The following RPRD1A variants were observed in gnomAD, a reference collection of about 807,000 sequenced individuals.
The protein encoded by RPRD1A is regulation of nuclear pre-mRNA domain containing 1A.
In RPRD1A, 9 loss-of-function variants were observed where a neutral mutation model predicts 37.8. The ratio of observed to expected loss-of-function variants is 0.24; its 90% CI spans 0.14 to 0.42. The LOEUF is 0.42. RPRD1A is among the 10% of genes least tolerant of loss of function. The probability of loss-of-function intolerance (pLI) is 1.00; values close to 1 mark genes in which losing one functional copy is unlikely to be tolerated. For missense variants in RPRD1A, 255 were observed against 371.0 expected (o/e 0.69, Z 2.57); for synonymous variants, 138 against 139.7 (o/e 0.99, Z 0.08).
At chr18:36,003,634 G>A (rs1041631680) in intron 6 of RPRD1A, among the ~76,000 whole-genome samples, 1 of 152,128 alleles carries the variant, frequency 6.6e-6, no homozygotes, top group African/African-American at 2.4e-5. Flanking sequence ...AAGTAAATTC[G>A]TGTGCATATG....
At chr18:36,066,204 G>A (rs1319636792) in intron 1 of RPRD1A, among the ~76,000 whole-genome samples, 2 of 152,138 alleles carry the variant, frequency 1.3e-5, no homozygotes, top group African/African-American at 4.8e-5. Context: ...GATGGGTGAC[G>A]TTTTCATAAC....
intron 1 of RPRD1A, among the ~76,000 whole-genome samples, chr18:36,058,329 G>A (rs1236545731): frequency 1.3e-5 from 2 of 152,110 alleles, no homozygotes; most frequent in Non-Finnish European, 2.9e-5. Context: ...TTACAGGCAT[G>A]AGCCACTGCG....
In RPRD1A at chr18:36,008,575, G is replaced by GTATATATATATATATATATATATATA. The variant is rs201194752; in HGVS notation, c.790-15276_790-15275insTATATATATATATATATATATATATA. 1.5e-3 allele frequency among the ~76,000 whole-genome samples: 63 copies of GTATATATATATATATATATATATATA among 42,360 alleles called. 5 individuals carry two copies. Among genetic ancestry groups the GTATATATATATATATATATATATATA allele is most frequent in the African/African-American group, 3.5e-3 (41 of 11,582 alleles). 27.8% of individuals were successfully genotyped at this position (42,360 alleles called of 152,430 possible). A position where few individuals can be genotyped will look rare whatever the true frequency, so the allele number is the denominator to read the frequency against. ...TGGGCGACACAGCAAGACCTTGTGT[G>GTATATATATATATATATATATATATA]TGTATATATATATATCTTTAAAAAT... On this transcript the variant is annotated intron_variant, in intron 6 of 6. Transcript: ENST00000399022.
At chr18:36,006,925 C>T in intron 6 of RPRD1A, among the ~76,000 whole-genome samples, 1 of 152,150 alleles carries the variant, frequency 6.6e-6, no homozygotes, top group East Asian at 1.9e-4. Context: ...GTCATCTGGC[C>T]TATATGACAC....
At chr18:36,055,159 T>C (rs188516919) in intron 1 of RPRD1A, among the ~76,000 whole-genome samples, 76 of 152,368 alleles carry the variant, frequency 5.0e-4, no homozygotes, top group African/African-American at 1.8e-3. Context: ...GATATTCAAC[T>C]AAGAAAAGTG....
chr18:36,017,954 TTGTTAG>T (rs1285461390), intron 6 of RPRD1A, among the ~76,000 whole-genome samples: 1 of 152,208 alleles, frequency 6.6e-6, no homozygotes, highest in Non-Finnish European at 1.5e-5. Flanking sequence ...TTCTCACATA[TTGTTAG>T]TGTTATTCTC....
At chr18:36,032,800 C>T (rs758960389) in intron 2 of RPRD1A, among the ~76,000 whole-genome samples, 11 of 152,000 alleles carry the variant, frequency 7.2e-5, no homozygotes, top group East Asian at 1.9e-4. Flanking sequence ...GGGACAAGTA[C>T]GGTGGGAAGC....
intron 6 of RPRD1A, among the ~76,000 whole-genome samples, chr18:35,997,710 C>A (rs1168087925): frequency 1.3e-5 from 2 of 152,138 alleles, no homozygotes; most frequent in Admixed American, 1.3e-4. Context: ...TAGTCAAAAG[C>A]TACTTAAAGT....
At chr18:36,018,468 T>C (rs1292452632) in intron 6 of RPRD1A, among the ~76,000 whole-genome samples, 1 of 151,874 alleles carries the variant, frequency 6.6e-6, no homozygotes, top group Non-Finnish European at 1.5e-5. Context: ...AGAGACGGGG[T>C]TTCACCGTGA....
chr18:36,019,217 C>T (rs1378696881), intron 6 of RPRD1A, among the ~76,000 whole-genome samples: 2 of 150,644 alleles, frequency 1.3e-5, no homozygotes, highest in African/African-American at 2.5e-5. Flanking sequence ...ACGCCATTCT[C>T]CTGCCTCAGT....
At chr18:36,023,872 T>C (rs1435883554) in intron 6 of RPRD1A, among the ~76,000 whole-genome samples, 1 of 152,244 alleles carries the variant, frequency 6.6e-6, no homozygotes, top group African/African-American at 2.4e-5. Flanking sequence ...GTAATCCTAA[T>C]GCTTAGACAA....
chr18:36,043,256 C>T (rs1789505), intron 1 of RPRD1A, among the ~76,000 whole-genome samples: 147,279 of 148,402 alleles, frequency 0.99, 73,092 homozygotes, highest in South Asian at 1. Flanking sequence ...GAGAAACATA[C>T]AAATTATATA....
At chr18:36,062,334 A>AAC (rs1293160914) in intron 1 of RPRD1A, among the ~76,000 whole-genome samples, 45 of 150,160 alleles carry the variant, frequency 3.0e-4, no homozygotes, top group African/African-American at 1.1e-3. Flanking sequence ...AAAAAAAAAA[A>AAC]AAAAAAAAAA....
rs761813749 is a variant in RPRD1A at position 36,027,125 on chromosome 18, T to C, written c.614-50A>G. The C allele has an allele frequency of 1.9e-6, 3 of 1,612,430 alleles. No homozygotes were observed. In the South Asian group the frequency reaches 3.3e-5, roughly 18 times the overall value. On this transcript the variant is annotated intron_variant, in intron 5 of 6. Coordinates refer to ENST00000399022, the MANE Select transcript of RPRD1A (RefSeq NM_018170.5). Reference sequence around the variant, plus strand: ...ATATTATACAACAAAAACAATGACATATGCTGTTCTCTCATCCCAACTCCC... The same window carrying C: ...ATATTATACAACAAAAACAATGACACATGCTGTTCTCTCATCCCAACTCCC...
intron 6 of RPRD1A, among the ~76,000 whole-genome samples, chr18:35,996,977 CAAAAAA>C (rs200694089): frequency 1.3e-4 from 7 of 55,612 alleles, no homozygotes; most frequent in African/African-American, 5.3e-4. Flanking sequence ...GACCCTGTCT[CAAAAAA>C]AAAAAAAAAA....
intron 6 of RPRD1A, among the ~76,000 whole-genome samples, chr18:36,016,922 T>C (rs1205578907): frequency 3.9e-5 from 6 of 152,014 alleles, no homozygotes; most frequent in South Asian, 4.2e-4. Context: ...TGCCAAAAGG[T>C]ATTCAATGGG....
At chr18:36,022,062 GA>G (rs1192957033) in intron 6 of RPRD1A, among the ~76,000 whole-genome samples, 1 of 152,200 alleles carries the variant, frequency 6.6e-6, no homozygotes, top group African/African-American at 2.4e-5. Flanking sequence ...CCTTACTGGT[GA>G]TATGTAGGAA....
intron 1 of RPRD1A, among the ~76,000 whole-genome samples, chr18:36,053,950 A>G (rs1913581305): frequency 6.6e-6 from 1 of 152,194 alleles, no homozygotes; most frequent in African/African-American, 2.4e-5. Flanking sequence ...GAAGATTAGT[A>G]ATGCCTTTCA....
intron 1 of RPRD1A, among the ~76,000 whole-genome samples, chr18:36,047,918 A>T (rs1913072816): frequency 6.6e-6 from 1 of 152,202 alleles, no homozygotes; most frequent in Non-Finnish European, 1.5e-5. Context: ...TTAAAATTCT[A>T]CACACTCTCT....
Sources: gnomAD v4.1 joint callset for allele counts (sites outside exome capture counted in the v4.1 genomes callset) on GRCh38, gnomAD v4.1.1 for gene constraint, MANE v1.5 for transcripts, NCBI Gene and HGNC (gene_info 2026-07-23, HGNC 2026-07-21) for gene names.